PRR16: variants seen among roughly 807,000 people sequenced by gnomAD.
PRR16 encodes proline rich 16.
PRR16 carries 6 observed loss-of-function variants against 18.2 expected under a neutral mutation model. The observed-to-expected ratio is 0.33, with a 90% CI of 0.18 to 0.65. The LOEUF (loss-of-function observed/expected upper bound fraction) is 0.65. Ranked by LOEUF, PRR16 falls within the 30% of genes least tolerant of loss-of-function variation. The pLI, the probability that PRR16 is intolerant of heterozygous loss-of-function variation, is 0.74. For synonymous variants in PRR16, 151 were observed against 147.8 expected, an observed-to-expected ratio of 1.02 and a Z score of -0.16; for missense variants, 412 against 376.6, an observed-to-expected ratio of 1.09 and a Z score of -0.78.
intron 1 of PRR16, chr5:120,465,690 T>C (rs1749057435): frequency 6.8e-6 from 1 of 146,414 alleles, no homozygotes; most frequent in Admixed American, 6.9e-5. Flanking sequence ...CACTACTGAA[T>C]GGGGTCCTGG....
At chr5:120,543,398 G>A (rs1179436840) in intron 1 of PRR16, among the ~76,000 whole-genome samples, 2 of 152,100 alleles carry the variant, frequency 1.3e-5, no homozygotes, top group Non-Finnish European at 2.9e-5. Flanking sequence ...GGACCATTAT[G>A]TCAAATTATA....
chr5:120,592,336 A>G (rs953442549), intron 1 of PRR16, among the ~76,000 whole-genome samples: 2 of 152,210 alleles, frequency 1.3e-5, no homozygotes, highest in Non-Finnish European at 2.9e-5. Flanking sequence ...TAGGAGCTGT[A>G]TACTGCAAGT....
In PRR16 at chr5:120,492,187, T is replaced by G. The variant is rs115974983; in HGVS notation, c.159+27542T>G. On this transcript the variant is annotated intron_variant, in intron 1 of 1. Transcript: ENST00000407149. ...GCAGCCTCAGCCTCCTAGGCTCAAG[T>G]GATCCACCAACCTCAGCCTTCTAAG... 3.3e-3 allele frequency among the ~76,000 whole-genome samples: 488 copies of G among 149,338 alleles called. 4 individuals are homozygous for G. Among genetic ancestry groups the G allele is most frequent in the African/African-American group, 0.011 (464 of 40,552 alleles).
chr5:120,570,765 AATT>A (rs1433278249), intron 1 of PRR16, among the ~76,000 whole-genome samples: 2 of 152,164 alleles, frequency 1.3e-5, no homozygotes, highest in Non-Finnish European at 2.9e-5. Context: ...CTTAATAATA[AATT>A]ATTATATGAA....
chr5:120,638,896 T>C (rs1755333610), intron 1 of PRR16, among the ~76,000 whole-genome samples: 1 of 152,086 alleles, frequency 6.6e-6, no homozygotes, highest in South Asian at 2.1e-4. Context: ...TAATCTAATA[T>C]AGGAAGATGT....
chr5:120,533,620 A>T (rs1490795266), intron 1 of PRR16, among the ~76,000 whole-genome samples: 3 of 152,200 alleles, frequency 2.0e-5, no homozygotes, highest in Non-Finnish European at 1.5e-5. Flanking sequence ...TAAAACCACC[A>T]GGGAAAAGTT....
intron 1 of PRR16, among the ~76,000 whole-genome samples, chr5:120,677,208 A>AT (rs1292853998): frequency 1.3e-5 from 2 of 152,126 alleles, no homozygotes; most frequent in Admixed American, 6.5e-5. Context: ...GATTTTTAAC[A>AT]TTTTATATGA....
chr5:120,736,504 A>G, the PRR16 span, among the ~76,000 whole-genome samples: 1 of 115,150 alleles, frequency 8.7e-6, no homozygotes, highest in Admixed American at 1.0e-4. Flanking sequence ...ACCTCAAGTG[A>G]CCCGCCCTCC....
the PRR16 span, among the ~76,000 whole-genome samples, chr5:120,776,897 G>A: frequency 6.6e-6 from 1 of 152,062 alleles, no homozygotes; most frequent in Admixed American, 6.5e-5. Context: ...TGCAGTAATA[G>A]GGGTTGTAGA....
At chr5:120,511,134 G>T (rs1383485005) in intron 1 of PRR16, among the ~76,000 whole-genome samples, 1 of 152,146 alleles carries the variant, frequency 6.6e-6, no homozygotes, top group Non-Finnish European at 1.5e-5. Flanking sequence ...TGCCAAAGGG[G>T]CTATCATTTT....
At chr5:120,677,166 C>T (rs537733873) in intron 1 of PRR16, among the ~76,000 whole-genome samples, 67 of 152,266 alleles carry the variant, frequency 4.4e-4, no homozygotes, top group Admixed American at 1.8e-3. Flanking sequence ...TATTTTCATC[C>T]TGTCAGTAGA....
intron 1 of PRR16, among the ~76,000 whole-genome samples, chr5:120,537,168 C>A (rs947221936): frequency 6.6e-6 from 1 of 152,028 alleles, no homozygotes; most frequent in African/African-American, 2.4e-5. Flanking sequence ...ATAACAAACC[C>A]GCACATGTAC....
the PRR16 span, among the ~76,000 whole-genome samples, chr5:120,720,761 A>T: frequency 1.3e-5 from 2 of 152,162 alleles, no homozygotes; most frequent in East Asian, 3.9e-4. Context: ...TTTAAGGCAA[A>T]TGTTTTCTCA....
intron 1 of PRR16, among the ~76,000 whole-genome samples, chr5:120,572,238 A>G (rs1459441704): frequency 6.6e-6 from 1 of 152,138 alleles, no homozygotes; most frequent in African/African-American, 2.4e-5. Context: ...TTGAAACCTC[A>G]TTTCCTGATG....
chr5:120,489,327 T>A (rs1243671012), intron 1 of PRR16, among the ~76,000 whole-genome samples: 1 of 152,220 alleles, frequency 6.6e-6, no homozygotes, highest in Non-Finnish European at 1.5e-5. Flanking sequence ...CTTACGAATC[T>A]GGGTGCTCCT....
intron 1 of PRR16, among the ~76,000 whole-genome samples, chr5:120,499,126 A>G (rs1372240384): frequency 6.9e-6 from 1 of 144,316 alleles, no homozygotes; most frequent in Non-Finnish European, 1.5e-5. Context: ...TTTTTTTTTT[A>G]AAGACGGAGT....
chr5:120,744,043 C>T, the PRR16 span, among the ~76,000 whole-genome samples: 3 of 151,948 alleles, frequency 2.0e-5, no homozygotes, highest in African/African-American at 7.3e-5. Context: ...GAGACTGTTA[C>T]TGAGCAATGG....
chr5:120,661,318 A>T (rs1000726989), intron 1 of PRR16, among the ~76,000 whole-genome samples: 1 of 152,064 alleles, frequency 6.6e-6, no homozygotes, highest in African/African-American at 2.4e-5. Flanking sequence ...TCTGCTGGGA[A>T]AATCTGAGAC....
At chr5:120,724,565 C>A in the PRR16 span, among the ~76,000 whole-genome samples, 1 of 152,050 alleles carries the variant, frequency 6.6e-6, no homozygotes, top group Non-Finnish European at 1.5e-5. Context: ...CTGATTAAAT[C>A]ACTCATTACA....
Sources: allele counts gnomAD v4.1 joint callset (sites outside exome capture counted in the v4.1 genomes callset), GRCh38; gene constraint gnomAD v4.1.1; transcripts MANE v1.5; gene names NCBI Gene and HGNC (gene_info 2026-07-23, HGNC 2026-07-21).